The following FAS variants were observed in gnomAD, a reference collection of about 807,000 sequenced individuals.
FAS encodes tumor necrosis factor receptor superfamily member 6.
Under a neutral mutation model 33.2 loss-of-function variants are expected in FAS, and 5 were observed. That is an observed-to-expected ratio of 0.15 (90% CI 0.08 to 0.32). The LOEUF (loss-of-function observed/expected upper bound fraction) is 0.32, where lower values mean the gene tolerates loss of function less well. Ranked by LOEUF, FAS falls within the 10% of genes least tolerant of loss-of-function variation. FAS has a pLI of 1.00. For synonymous variants in FAS, 131 were observed against 130.7 expected, an observed-to-expected ratio of 1.00 and a Z score of -0.01; for missense variants, 339 against 386.0, an observed-to-expected ratio of 0.88 and a Z score of 1.02.
upstream of FAS, among the ~76,000 whole-genome samples, chr10:88,987,836 T>C (rs982629745): frequency 1.3e-5 from 2 of 152,252 alleles, no homozygotes; most frequent in African/African-American, 4.8e-5. Flanking sequence ...TAGATGTTTC[T>C]GTAAAGCAAT....
chr10:88,999,269 G>A (rs1038363168), intron 1 of FAS, among the ~76,000 whole-genome samples: 8 of 152,068 alleles, frequency 5.3e-5, no homozygotes, highest in African/African-American at 1.9e-4. Flanking sequence ...CATTCTGAGA[G>A]GAATGGGGTG....
At chr10:89,004,075 C>T (rs985772896) in intron 2 of FAS, among the ~76,000 whole-genome samples, 5 of 152,324 alleles carry the variant, frequency 3.3e-5, no homozygotes, top group African/African-American at 9.6e-5. Flanking sequence ...ACACTTAAAT[C>T]TTCTCCAACA....
At position 89,015,963 on chromosome 10, in the gene FAS, G is replaced by T; in HGVS notation, c.*1513G>T. The T allele has an allele frequency of 3.7e-6, 1 of 271,762 alleles. No homozygotes were observed. Among genetic ancestry groups the T allele is most frequent in the Non-Finnish European group, 7.1e-6 (1 of 140,754 alleles). 16.8% of individuals were successfully genotyped at this position (271,762 alleles called of 1,614,324 possible). A position where few individuals can be genotyped will look rare whatever the true frequency, so the allele number is the denominator to read the frequency against. On this transcript the variant is annotated 3_prime_UTR_variant, in exon 9 of 9. Coordinates refer to ENST00000652046, the MANE Select transcript of FAS (RefSeq NM_000043.6). ...TATTTCCATAGGTTGCTATTGCCAAGAAGACCTCTTCCAAACAGCACATGA... is the reference window on the plus strand; with the variant it reads ...TATTTCCATAGGTTGCTATTGCCAATAAGACCTCTTCCAAACAGCACATGA...
chr10:88,969,961 C>T (rs1846395342), intron 1 of FAS, among the ~76,000 whole-genome samples: 2 of 152,162 alleles, frequency 1.3e-5, no homozygotes, highest in African/African-American at 4.8e-5. Flanking sequence ...GAATGAATGC[C>T]TCTAACTCTT....
At chr10:89,013,238 A>G in intron 7 of FAS, 105 bp from the exon 8 acceptor site, 1 of 1,089,396 alleles carries the variant, frequency 9.2e-7, no homozygotes, top group Non-Finnish European at 1.4e-6. Flanking sequence ...CAAGCAACTG[A>G]TTGTACTTCT....
At chr10:88,967,675 G>T (rs757462017) in intron 1 of FAS, among the ~76,000 whole-genome samples, 1 of 152,108 alleles carries the variant, frequency 6.6e-6, no homozygotes, top group Non-Finnish European at 1.5e-5. Flanking sequence ...ATATAAAATA[G>T]AATATTTTGT....
intron 1 of FAS, among the ~76,000 whole-genome samples, chr10:89,001,813 G>C (rs1295656085): frequency 6.6e-6 from 1 of 152,192 alleles, no homozygotes; most frequent in African/African-American, 2.4e-5. Context: ...ACAGATTCTA[G>C]CTTAGGATGA....
At chr10:89,007,605 T>G in intron 2 of FAS, 95 bp from the exon 3 acceptor site, 2 of 1,492,514 alleles carry the variant, frequency 1.3e-6, no homozygotes, top group Non-Finnish European at 1.8e-6. Flanking sequence ...CCTTGTGTTT[T>G]AGAAGAGTTT....
chr10:88,979,020 T>C (rs73364898), intron 2 of FAS, among the ~76,000 whole-genome samples: 3,526 of 152,132 alleles, frequency 0.023, 128 homozygotes, highest in African/African-American at 0.077. Flanking sequence ...ATAAAGTTTA[T>C]TCTGTTAATA....
chr10:88,987,647 C>T (rs181607258), upstream of FAS, among the ~76,000 whole-genome samples: 122 of 152,354 alleles, frequency 8.0e-4, no homozygotes, highest in Admixed American at 2.4e-3. Context: ...CCAAAATCTA[C>T]TCCAACTGAA....
At chr10:88,980,562 T>C (rs905062315) in intron 2 of FAS, among the ~76,000 whole-genome samples, 3 of 152,190 alleles carry the variant, frequency 2.0e-5, no homozygotes, top group African/African-American at 7.2e-5. Flanking sequence ...GTTCTTATCC[T>C]GCCTACTGCT....
intron 6 of FAS, 111 bp downstream of exon 6, chr10:89,010,926 T>C: frequency 7.8e-7 from 1 of 1,282,914 alleles, no homozygotes; most frequent in Admixed American, 1.7e-5. Context: ...GATTTATGTA[T>C]TGTTAATTTC....
At chr10:88,989,770 G>A (rs1847056335), upstream of FAS, among the ~76,000 whole-genome samples, 1 of 152,198 alleles carries the variant, frequency 6.6e-6, no homozygotes, top group South Asian at 2.1e-4. Context: ...TGGGAAGGGA[G>A]AGAGGTTGCA....
intron 1 of FAS, among the ~76,000 whole-genome samples, chr10:89,001,435 A>G (rs979991531): frequency 6.6e-5 from 10 of 151,428 alleles, no homozygotes; most frequent in African/African-American, 2.2e-4. Context: ...TGCCACACTG[A>G]CACTGGAATA....
intron 8 of FAS, 98 bp from the exon 9 acceptor site, chr10:89,014,021 A>C: frequency 8.0e-7 from 1 of 1,242,550 alleles, no homozygotes; most frequent in Non-Finnish European, 1.1e-6. Flanking sequence ...GGACTTAGCT[A>C]TATTCTGAAG....
In FAS at chr10:88,975,940, TC is replaced by T. The variant is rs767568990; in HGVS notation, n.260+2594del. The stretch of plus-strand genomic sequence containing the variant: ...AATAGAAGCCAAATTTCTTTCCTCT[TC>T]ATTTGGCTGACAAATTAATTGTCAC... On this transcript the variant is annotated intron_variant and non_coding_transcript_variant, in intron 2 of 3. Coordinates refer to the FAS transcript ENST00000688239. Among the ~76,000 whole-genome samples the T allele has an allele frequency of 5.3e-5, 8 of 152,208 alleles. No homozygotes were observed. The East Asian group carries it at 1.5e-3, about 29-fold the overall frequency.
chr10:88,986,133 C>A (rs1007132333), upstream of FAS, among the ~76,000 whole-genome samples: 2 of 152,052 alleles, frequency 1.3e-5, no homozygotes, highest in African/African-American at 4.8e-5. Context: ...ACAGAAATGG[C>A]AAAATAGATT....
chr10:88,995,390 A>G (rs1352734158), intron 1 of FAS, among the ~76,000 whole-genome samples: 1 of 152,196 alleles, frequency 6.6e-6, no homozygotes, highest in Non-Finnish European at 1.5e-5. Context: ...CTTTGATCAC[A>G]ACTGCTTTCT....
intron 1 of FAS, among the ~76,000 whole-genome samples, chr10:88,970,314 A>G (rs1846404549): frequency 6.6e-6 from 1 of 152,058 alleles, no homozygotes; most frequent in Non-Finnish European, 1.5e-5. Flanking sequence ...CAGAAATTCC[A>G]GTAAAGTCTT....
Sources: allele counts gnomAD v4.1 joint callset (sites outside exome capture counted in the v4.1 genomes callset), GRCh38; gene constraint gnomAD v4.1.1; transcripts MANE v1.5; gene names NCBI Gene and HGNC (gene_info 2026-07-23, HGNC 2026-07-21).